LMLN: variants seen among roughly 807,000 people sequenced by gnomAD.
LMLN encodes the protein leishmanolysin like peptidase, also known as leishmanolysin-like peptidase.
LMLN carries 70 observed loss-of-function variants against 92.3 expected under a neutral mutation model. The ratio of observed to expected loss-of-function variants is 0.76; its 90% CI spans 0.63 to 0.92. The LOEUF is 0.92. Ranked by LOEUF, LMLN falls within the 40% of genes least tolerant of loss-of-function variation. LMLN has a pLI of 0.00. For synonymous variants in LMLN, 308 were observed against 296.2 expected (o/e 1.04, Z -0.41); for missense variants, 691 against 814.6 (o/e 0.85, Z 1.85).
At chr3:198,011,575 A>G (rs1190806529) in intron 11 of LMLN, among the ~76,000 whole-genome samples, 5 of 150,972 alleles carry the variant, frequency 3.3e-5, no homozygotes, top group Admixed American at 6.6e-5. Flanking sequence ...ATAGTGCCGC[A>G]ATAAACATAC....
In LMLN at chr3:198,019,986, G is replaced by A. The variant is rs1333048628; in HGVS notation, c.1365+601G>A. Among the ~76,000 whole-genome samples, 2 of 151,898 alleles carry A rather than the reference G, an allele frequency of 1.3e-5. No homozygotes were observed. Among genetic ancestry groups the A allele is most frequent in the Admixed American group, 6.6e-5 (1 of 15,252 alleles). Reference sequence around the variant, plus strand: ...AGCGATTCTTGTGCCTCAGCCTCCCGAGTAGCTGGGTTTACAGCTGCAAGC... The same window carrying A: ...AGCGATTCTTGTGCCTCAGCCTCCCAAGTAGCTGGGTTTACAGCTGCAAGC... On this transcript the variant is annotated intron_variant, in intron 12 of 15. Transcript: ENST00000330198. This position sits in a 1 kb window ranked among gnomAD's most constrained non-coding sequence, Gnocchi z 5.5.
intron 11 of LMLN, among the ~76,000 whole-genome samples, chr3:198,000,388 T>C (rs1360952238): frequency 2.6e-5 from 4 of 152,234 alleles, no homozygotes; most frequent in African/African-American, 9.6e-5. Flanking sequence ...ACCTTCACTG[T>C]TGAGAGGTGA....
At chr3:198,008,342 TAAG>T (rs1219271807) in intron 11 of LMLN, among the ~76,000 whole-genome samples, 1 of 152,100 alleles carries the variant, frequency 6.6e-6, no homozygotes, top group Non-Finnish European at 1.5e-5. Flanking sequence ...AAAATAATAG[TAAG>T]AAGAAAATTT....
exon 4 of LMLN, chr3:197,976,102 T>C: frequency 6.3e-7 from 1 of 1,597,720 alleles, no homozygotes; most frequent in Non-Finnish European, 8.6e-7. Flanking sequence ...GGCACTATCT[T>C]ACTTAGCAGG....
At chr3:197,986,896 G>A (rs1367655187) in intron 8 of LMLN, among the ~76,000 whole-genome samples, 2 of 149,764 alleles carry the variant, frequency 1.3e-5, no homozygotes, top group Non-Finnish European at 3.0e-5. Context: ...CTGGAGTGCA[G>A]TGGTGTGATC....
intron 9 of LMLN, among the ~76,000 whole-genome samples, chr3:197,993,511 C>CAA (rs542040487): frequency 2.7e-5 from 4 of 148,316 alleles, no homozygotes; most frequent in African/African-American, 7.4e-5. Flanking sequence ...CAATAGCTAC[C>CAA]AAAAAAAAAA....
intron 1 of LMLN, among the ~76,000 whole-genome samples, chr3:197,971,292 A>G (rs1721216560): frequency 6.6e-6 from 1 of 152,208 alleles, no homozygotes; most frequent in African/African-American, 2.4e-5. Flanking sequence ...AGGAGAAGCA[A>G]GGACCTTCTT....
intron 6 of LMLN, among the ~76,000 whole-genome samples, chr3:197,981,836 G>A (rs1721566073): frequency 6.9e-6 from 1 of 144,622 alleles, no homozygotes; most frequent in South Asian, 2.2e-4. Flanking sequence ...ACATAGTCTC[G>A]CTCTGTCACC....
At chr3:197,995,863 T>A (rs76879991) in intron 9 of LMLN, among the ~76,000 whole-genome samples, 13,904 of 152,172 alleles carry the variant, frequency 0.091, 712 homozygotes, top group South Asian at 0.14. Flanking sequence ...AAATAAAAAA[T>A]TTTAAATTGT....
At chr3:198,032,209 C>A (rs113051912) in intron 14 of LMLN, among the ~76,000 whole-genome samples, 3 of 152,042 alleles carry the variant, frequency 2.0e-5, no homozygotes, top group African/African-American at 7.2e-5. Context: ...TCCTTTCTTA[C>A]AAAACCTTTG....
chr3:197,985,227 A>G (rs796597370), intron 7 of LMLN, among the ~76,000 whole-genome samples: 7 of 152,168 alleles, frequency 4.6e-5, no homozygotes, highest in African/African-American at 1.4e-4. Context: ...GCTCTTGTTC[A>G]GAAGTGATAC....
intron 11 of LMLN, among the ~76,000 whole-genome samples, chr3:198,013,067 C>G: frequency 7.9e-6 from 1 of 127,342 alleles, no homozygotes; most frequent in Admixed American, 7.5e-5. Flanking sequence ...CCCTTCAGAG[C>G]CCCCTAACTA....
intron 1 of LMLN, among the ~76,000 whole-genome samples, chr3:197,960,961 T>A (rs1273000366): frequency 6.6e-6 from 1 of 152,146 alleles, no homozygotes; most frequent in Non-Finnish European, 1.5e-5. Context: ...CTTTTCACGT[T>A]ATGTCGTCAC....
Position 198,025,911 on chromosome 3 carries a change from A to C in LMLN, c.1656+1123A>C, listed in dbSNP as rs1053974808. ...TAGAACTGGAAATTTAACTCTTATC[A>C]TTAGTTACTTATCAAATTAACGTTT... is the stretch of plus-strand genomic sequence containing the variant. On this transcript the variant is annotated intron_variant, in intron 14 of 15. Transcript: ENST00000330198. The surrounding 1 kb of genome is among the most constrained non-coding windows in gnomAD (Gnocchi z 4.3). Among the ~76,000 whole-genome samples, 1 of 152,160 alleles carries C rather than the reference A, an allele frequency of 6.6e-6. No homozygotes were observed. The highest frequency in any genetic ancestry group is 1.5e-5 in the Non-Finnish European group (1 of 68,018).
At chr3:197,987,751 G>A (rs1721753558) in intron 8 of LMLN, among the ~76,000 whole-genome samples, 1 of 152,160 alleles carries the variant, frequency 6.6e-6, no homozygotes, top group South Asian at 2.1e-4. Flanking sequence ...AAACTGCCAT[G>A]TTACATTTTT....
chr3:198,035,880 A>T (rs946139814), exon 15 of LMLN: 2 of 1,613,966 alleles, frequency 1.2e-6, no homozygotes, highest in Admixed American at 3.3e-5. Flanking sequence ...AAGATACTTC[A>T]TATTTGTGTA....
intron 8 of LMLN, among the ~76,000 whole-genome samples, chr3:197,988,504 T>TG (rs1721776485): frequency 7.4e-6 from 1 of 135,970 alleles, no homozygotes; most frequent in Admixed American, 7.5e-5. Flanking sequence ...TTTTTTTTTT[T>TG]TGAGGCAGGG....
chr3:197,962,685 T>C (rs1720937807), intron 1 of LMLN, among the ~76,000 whole-genome samples: 1 of 152,196 alleles, frequency 6.6e-6, no homozygotes, highest in African/African-American at 2.4e-5. Flanking sequence ...TATTCTCCTG[T>C]GTTCTAGAAG....
intron 5 of LMLN, among the ~76,000 whole-genome samples, chr3:197,977,005 A>C (rs1721403066): frequency 6.6e-6 from 1 of 152,248 alleles, no homozygotes; most frequent in South Asian, 2.1e-4. Context: ...TTAGCAAGGC[A>C]TATATCTCAG....
Sources: gnomAD v4.1 joint callset for allele counts (sites outside exome capture counted in the v4.1 genomes callset) on GRCh38, gnomAD v4.1.1 for gene constraint, Gnocchi (gnomAD v3.1) non-coding constraint, MANE v1.5 for transcripts, NCBI Gene and HGNC (gene_info 2026-07-23, HGNC 2026-07-21) for gene names.